The following SLC23A2 variants were observed in gnomAD, a reference collection of about 807,000 sequenced individuals.
The protein encoded by SLC23A2 is Na(+)/L-ascorbic acid transporter 2.
Under a neutral mutation model 73.3 loss-of-function variants are expected in SLC23A2, and 36 were observed. The observed-to-expected ratio is 0.49, with a 90% confidence interval of 0.38 to 0.65. The LOEUF is 0.65. Ranked by LOEUF, SLC23A2 falls within the 30% of genes least tolerant of loss-of-function variation. The probability of loss-of-function intolerance (pLI) is 0.00; values close to 1 mark genes in which losing one functional copy is unlikely to be tolerated. For missense variants in SLC23A2, 507 were observed against 841.6 expected (o/e 0.60, Z 4.92); for synonymous variants, 343 against 327.3 (o/e 1.05, Z -0.52).
At chr20:4,975,632 T>C (rs1404910074) in intron 1 of SLC23A2, among the ~76,000 whole-genome samples, 1 of 151,616 alleles carries the variant, frequency 6.6e-6, no homozygotes, top group African/African-American at 2.4e-5. Context: ...CCACCTGTCT[T>C]GGCCTCCCAA....
At position 4,995,739 on chromosome 20, in the gene SLC23A2, G is replaced by A. The variant is rs191471232; in HGVS notation, c.-282+5667C>T. 2.8e-3 allele frequency among the ~76,000 whole-genome samples: 419 copies of A among 152,234 alleles called. 2 individuals are homozygous for A. The highest frequency in any genetic ancestry group is 9.1e-3 in the African/African-American group (379 of 41,548). On this transcript the variant is annotated intron_variant, in intron 1 of 16. Coordinates refer to ENST00000338244, the MANE Select transcript of SLC23A2 (RefSeq NM_005116.6). ...TCAAATCCTGACTCTACTTGTCAGCGCTAAGACCCTAGGCAAGAAGCTGCC... is the reference window on the plus strand; with the variant it reads ...TCAAATCCTGACTCTACTTGTCAGCACTAAGACCCTAGGCAAGAAGCTGCC...
intron 2 of SLC23A2, among the ~76,000 whole-genome samples, chr20:4,962,888 TCAGGGGG>T (rs1335255199): frequency 2.6e-5 from 4 of 152,086 alleles, no homozygotes; most frequent in Non-Finnish European, 4.4e-5. Flanking sequence ...TCCCAGCTAC[TCAGGGGG>T]CTGAGGCAGG....
chr20:5,010,014 G>A (rs2088232445), intron 1 of SLC23A2, among the ~76,000 whole-genome samples: 1 of 149,952 alleles, frequency 6.7e-6, no homozygotes, highest in African/African-American at 2.5e-5. Context: ...AGAATGGACT[G>A]AACCCGGGAG....
chr20:5,008,987 C>T (rs575558249), intron 1 of SLC23A2, among the ~76,000 whole-genome samples: 7 of 152,238 alleles, frequency 4.6e-5, no homozygotes, highest in African/African-American at 9.6e-5. Flanking sequence ...CACTTCCTTC[C>T]TCCCTTTACC....
intron 2 of SLC23A2, among the ~76,000 whole-genome samples, chr20:4,968,025 T>C (rs1478463927): frequency 6.6e-6 from 1 of 152,170 alleles, no homozygotes; most frequent in Non-Finnish European, 1.5e-5. Flanking sequence ...ACACCAACCA[T>C]CCAACTAGAT....
chr20:4,993,410 G>GGAAAAAA (rs753664569), intron 1 of SLC23A2, among the ~76,000 whole-genome samples: 2 of 121,532 alleles, frequency 1.6e-5, no homozygotes, highest in Admixed American at 1.8e-4. Context: ...GCCAAAATCC[G>GGAAAAAA]AAAAAAAAAA....
At chr20:4,903,342 C>A (rs1460078678) in intron 4 of SLC23A2, among the ~76,000 whole-genome samples, 2 of 152,104 alleles carry the variant, frequency 1.3e-5, no homozygotes, top group African/African-American at 2.4e-5. Context: ...GTATCTGAGC[C>A]AAACAGAAAA....
At chr20:4,916,561 T>C (rs1932327717) in intron 3 of SLC23A2, among the ~76,000 whole-genome samples, 1 of 152,158 alleles carries the variant, frequency 6.6e-6, no homozygotes, top group African/African-American at 2.4e-5. Context: ...TTAAAAAAAA[T>C]CATCTGTATA....
intron 2 of SLC23A2, among the ~76,000 whole-genome samples, chr20:4,957,957 G>T (rs1031055517): frequency 2.6e-5 from 4 of 151,196 alleles, no homozygotes; most frequent in African/African-American, 9.7e-5. Context: ...CTTAAAGCCT[G>T]GCCACTCAAA....
At chr20:4,983,880 C>T (rs1398428144) in intron 1 of SLC23A2, among the ~76,000 whole-genome samples, 3 of 151,260 alleles carry the variant, frequency 2.0e-5, no homozygotes, top group Non-Finnish European at 2.9e-5. Flanking sequence ...TGCTTGAACC[C>T]GGGAGGCGGA....
intron 2 of SLC23A2, among the ~76,000 whole-genome samples, chr20:4,939,391 C>T (rs148597102): frequency 2.6e-5 from 4 of 152,240 alleles, no homozygotes; most frequent in African/African-American, 9.6e-5. Flanking sequence ...TCACCACCAT[C>T]AATGTACACC....
intron 6 of SLC23A2, among the ~76,000 whole-genome samples, chr20:4,889,527 T>C (rs1931239356): frequency 6.6e-6 from 1 of 151,652 alleles, no homozygotes; most frequent in Non-Finnish European, 1.5e-5. Context: ...ACAGAGGACA[T>C]CCCAATAGGC....
intron 2 of SLC23A2, among the ~76,000 whole-genome samples, chr20:4,944,989 G>A (rs1198619268): frequency 1.4e-5 from 2 of 144,772 alleles, no homozygotes; most frequent in Non-Finnish European, 3.0e-5. Context: ...TGAATGAAAC[G>A]CTCTGAATTC....
At chr20:4,895,040 A>G (rs559281312) in intron 6 of SLC23A2, among the ~76,000 whole-genome samples, 7 of 152,370 alleles carry the variant, frequency 4.6e-5, no homozygotes, top group Non-Finnish European at 8.8e-5. Context: ...CCAGCGTGAC[A>G]GAAATACTGG....
At chr20:4,904,003 T>C (rs1248873733) in intron 4 of SLC23A2, among the ~76,000 whole-genome samples, 4 of 152,128 alleles carry the variant, frequency 2.6e-5, no homozygotes, top group Non-Finnish European at 4.4e-5. Flanking sequence ...CTCTTAAACA[T>C]GTCTTTTTAG....
At chr20:4,971,299 AACACACACACACAC>A (rs35758430) in intron 1 of SLC23A2, among the ~76,000 whole-genome samples, 1 of 142,420 alleles carries the variant, frequency 7.0e-6, no homozygotes. Context: ...GTCTCTACAA[AACACACACACACAC>A]ACACACACAC....
intron 1 of SLC23A2, among the ~76,000 whole-genome samples, chr20:4,984,869 T>C (rs2087797520): frequency 6.6e-6 from 1 of 152,294 alleles, no homozygotes; most frequent in South Asian, 2.1e-4. Context: ...CCAGGCATGG[T>C]GGCTCACGCC....
At chr20:4,897,058 C>G (rs1157445733) in intron 6 of SLC23A2, among the ~76,000 whole-genome samples, 1 of 152,202 alleles carries the variant, frequency 6.6e-6, no homozygotes, top group Non-Finnish European at 1.5e-5. Context: ...CCTGATGGCG[C>G]TGCCCTTCGT....
At chr20:4,961,153 G>A (rs1756823531) in intron 2 of SLC23A2, among the ~76,000 whole-genome samples, 1 of 149,708 alleles carries the variant, frequency 6.7e-6, no homozygotes, top group South Asian at 2.1e-4. Context: ...TGTCGCCCAG[G>A]CTGGAGTGCG....
Sources: allele counts gnomAD v4.1 joint callset (sites outside exome capture counted in the v4.1 genomes callset), GRCh38; gene constraint gnomAD v4.1.1; transcripts MANE v1.5; gene names NCBI Gene and HGNC (gene_info 2026-07-23, HGNC 2026-07-21).